The following CFAP54 variants were observed in gnomAD, a reference collection of about 807,000 sequenced individuals.
CFAP54 encodes cilia and flagella associated protein 54, also known as cilia- and flagella-associated protein 54.
Under a neutral mutation model 370.4 loss-of-function variants are expected in CFAP54, and 290 were observed. That is an observed-to-expected ratio of 0.78 (90% CI 0.71 to 0.86). The LOEUF (loss-of-function observed/expected upper bound fraction) is 0.86, where lower values mean the gene tolerates loss of function less well. Ranked by LOEUF, CFAP54 falls within the 40% of genes least tolerant of loss-of-function variation. The pLI is 0.00. For missense variants in CFAP54, 3,399 were observed against 3,528.7 expected (o/e 0.96, Z 0.93); for synonymous variants, 1,206 against 1,236.5 (o/e 0.98, Z 0.52).
At position 96,874,784 on chromosome 12, in the gene CFAP54, T is replaced by C. The variant is rs1014529865; in HGVS notation, c.*15-334T>C. 1.3e-4 allele frequency among the ~76,000 whole-genome samples: 19 copies of C among 151,688 alleles called. No homozygotes were observed. The South Asian group carries it at 2.3e-3, about 18-fold the overall frequency. On this transcript the variant is annotated intron_variant, in intron 67 of 67. Coordinates refer to ENST00000524981, the MANE Select transcript of CFAP54 (RefSeq NM_001306084.2). ...AGCTGGGACTACAGGCGCCCGCCACTACGCCCGGCTAACTTTTTGTATTTT... is the reference window on the plus strand; with the variant it reads ...AGCTGGGACTACAGGCGCCCGCCACCACGCCCGGCTAACTTTTTGTATTTT...
At chr12:96,697,038 C>T (rs947237598) in intron 45 of CFAP54, among the ~76,000 whole-genome samples, 7 of 152,212 alleles carry the variant, frequency 4.6e-5, no homozygotes, top group Admixed American at 1.3e-4. Flanking sequence ...CACTTTAGAA[C>T]TGCCAACATC....
At chr12:96,858,814 C>T (rs141393511) in intron 66 of CFAP54, among the ~76,000 whole-genome samples, 1 of 152,158 alleles carries the variant, frequency 6.6e-6, no homozygotes, top group South Asian at 2.1e-4. Context: ...AATGGCCATA[C>T]TGTCCAGAGC....
rs1451928153 is a variant in CFAP54, at chr12:96,759,443, AT to A, written c.8040+1857del. ...GAATCTGAATGAAAACAGTAGTGTA[AT>A]TCCTTACAATATGATCATTATTTTC... On this transcript the variant is annotated intron_variant, in intron 58 of 67. Coordinates refer to ENST00000524981, the MANE Select transcript of CFAP54 (RefSeq NM_001306084.2). Among the ~76,000 whole-genome samples, 6 of 152,204 alleles carry A rather than the reference AT, an allele frequency of 3.9e-5. No homozygotes were observed. The South Asian group carries it at 1.0e-3, about 26-fold the overall frequency.
rs1958614447 is a variant in CFAP54, at chr12:96,784,907, G to A, written c.8455+17G>A. ...AACTGCTAGGTAGGTTTTTTGATGTGTTAAGAGAGAACATATTTCTTTCTA... is the reference window on the plus strand; with the variant it reads ...AACTGCTAGGTAGGTTTTTTGATGTATTAAGAGAGAACATATTTCTTTCTA... On this transcript the variant is annotated intron_variant, in intron 61 of 67. Transcript: ENST00000524981. 9 of 1,448,576 alleles carry A rather than the reference G, an allele frequency of 6.2e-6. No homozygotes were observed. Among genetic ancestry groups the A allele is most frequent in the South Asian group, 5.5e-5 (4 of 72,448 alleles). 89.7% of individuals were successfully genotyped at this position (1,448,576 alleles called of 1,614,324 possible).
chr12:96,804,369 A>G (rs1387665183), intron 63 of CFAP54, among the ~76,000 whole-genome samples: 1 of 152,184 alleles, frequency 6.6e-6, no homozygotes, highest in African/African-American at 2.4e-5. Context: ...GCTGATCTTA[A>G]AACTAAAAAA....
chr12:96,631,271 A>T (rs899913653), intron 32 of CFAP54, among the ~76,000 whole-genome samples: 1 of 151,898 alleles, frequency 6.6e-6, no homozygotes, highest in African/African-American at 2.4e-5. Context: ...TATAACAACT[A>T]TGCAACTTAA....
Position 96,538,392 on chromosome 12 carries a change from A to C in CFAP54, c.1800A>C (p.Gln600His). ...VCVCTAPQDVQPDKEIVVDTI... is the reference protein window; with the variant it reads ...VCVCTAPQDVHPDKEIVVDTI... ...CTCACTTTTGTTTTTAGGATGTTCA[A>C]CCTGATAAAGAAATTGTTGTGGACA... The change falls in exon 13 of 68, where the codon CAA (glutamine) becomes CAC (histidine). Residue 600 changes from glutamine (Q) to histidine (H), a missense_variant. This residue lies in a region of CFAP54 where 2,796 missense variants were observed against 2,869.7 expected (regional missense o/e 0.97). Transcript: ENST00000524981. 6.5e-7 allele frequency: 1 copy of C among 1,534,772 alleles called. No homozygotes were observed. The highest frequency in any genetic ancestry group is 8.7e-7 in the Non-Finnish European group (1 of 1,146,268).
At chr12:96,808,303 T>C (rs1023148972) in intron 63 of CFAP54, among the ~76,000 whole-genome samples, 1 of 152,124 alleles carries the variant, frequency 6.6e-6, no homozygotes, top group Non-Finnish European at 1.5e-5. Context: ...CTATTGCAAA[T>C]TCCTTCCCCT....
chr12:96,785,170 A>T lies in CFAP54; in HGVS notation c.8455+280A>T, dbSNP rs530373319. Among the ~76,000 whole-genome samples the T allele has an allele frequency of 2.8e-4, 42 of 152,354 alleles. No homozygotes were observed. In the South Asian group the frequency reaches 3.1e-3, roughly 11 times the overall value. On this transcript the variant is annotated intron_variant, in intron 61 of 67. Transcript: ENST00000524981. Reference sequence around the variant, plus strand: ...AGAGGCTTTCCAAGACCACTGCCAAAGTTAAGAACTAGTGATTCCAATGTG... The same window carrying T: ...AGAGGCTTTCCAAGACCACTGCCAATGTTAAGAACTAGTGATTCCAATGTG...
chr12:96,501,376 AAACTCTTTC>A (rs1955024985), intron 2 of CFAP54, among the ~76,000 whole-genome samples: 1 of 152,202 alleles, frequency 6.6e-6, no homozygotes, highest in Non-Finnish European at 1.5e-5. Flanking sequence ...CCTGTTTATT[AAACTCTTTC>A]AACTCTTTCT....
Position 96,638,663 on chromosome 12 carries a change from G to A in CFAP54, c.4317-5515G>A, listed in dbSNP as rs546146943. 5.3e-5 allele frequency among the ~76,000 whole-genome samples: 8 copies of A among 151,996 alleles called. No homozygotes were observed. In the East Asian group the frequency reaches 1.5e-3, roughly 29 times the overall value. On this transcript the variant is annotated intron_variant, in intron 32 of 67. Coordinates refer to ENST00000524981, the MANE Select transcript of CFAP54 (RefSeq NM_001306084.2). ...ATATCATTGCTTTGATTAATTTCTA[G>A]GTATGTTTTTGAAGCTACCGGAAAT...
Position 96,500,919 on chromosome 12 carries a change from GAT to G in CFAP54, c.405_406del (p.Asp135GlufsTer28). 3 of 1,534,942 alleles carry G rather than the reference GAT, an allele frequency of 2.0e-6. No individual in the cohort carries two copies. The highest frequency in any genetic ancestry group is 2.6e-6 in the Non-Finnish European group (3 of 1,146,024). On this transcript the variant is annotated frameshift_variant, in exon 2 of 68. Transcript: ENST00000524981. LOFTEE classifies it high-confidence loss of function. ...CAACGAAAAGCTTCTGAAGGTTGGA[GAT>G]AGCCTTTGTCAAATGAAAGTAAGTG... ...YYNEKLLKVG[D>X]SLCQMKEYKL...
intron 60 of CFAP54, among the ~76,000 whole-genome samples, chr12:96,765,660 C>A (rs61693886): frequency 0.025 from 3,799 of 152,274 alleles, 147 homozygotes; most frequent in African/African-American, 0.083. Flanking sequence ...TTATCATCAG[C>A]TACCTGAGAG....
chr12:96,701,324 T>G (rs1384648098), intron 46 of CFAP54, among the ~76,000 whole-genome samples: 1 of 152,134 alleles, frequency 6.6e-6, no homozygotes, highest in Non-Finnish European at 1.5e-5. Flanking sequence ...AGCAATATTT[T>G]CTTGCTTGCT....
intron 60 of CFAP54, among the ~76,000 whole-genome samples, chr12:96,767,563 C>T (rs1958413301): frequency 6.6e-6 from 1 of 152,114 alleles, no homozygotes; most frequent in Admixed American, 6.6e-5. Flanking sequence ...TTTGCCTTGC[C>T]TTAAGAATAA....
intron 11 of CFAP54, among the ~76,000 whole-genome samples, chr12:96,534,845 A>G (rs552124905): frequency 1.3e-5 from 2 of 152,270 alleles, no homozygotes; most frequent in African/African-American, 4.8e-5. Flanking sequence ...TTCTGAATCA[A>G]TATTTTTATT....
Position 96,649,091 on chromosome 12 carries a change from T to G in CFAP54, c.4691-800T>G, listed in dbSNP as rs1014486173. ...AGACTTTTAGTAATGACATTTTAAGTGCTATGGGATTTATTGCCAACCAGA... is the reference window on the plus strand; with the variant it reads ...AGACTTTTAGTAATGACATTTTAAGGGCTATGGGATTTATTGCCAACCAGA... On this transcript the variant is annotated intron_variant, in intron 34 of 67. Coordinates refer to ENST00000524981, the MANE Select transcript of CFAP54 (RefSeq NM_001306084.2). Among the ~76,000 whole-genome samples the G allele has an allele frequency of 2.0e-5, 3 of 152,312 alleles. No individual in the cohort carries two copies. The East Asian group carries it at 5.8e-4, about 29-fold the overall frequency.
At chr12:96,772,016 T>G (rs1402245683) in intron 60 of CFAP54, among the ~76,000 whole-genome samples, 1 of 152,200 alleles carries the variant, frequency 6.6e-6, no homozygotes, top group East Asian at 1.9e-4. Flanking sequence ...CTGTTCTTAG[T>G]TTTTCTCTGC....
At chr12:96,832,271 T>TAA (rs34082481) in intron 66 of CFAP54, among the ~76,000 whole-genome samples, 7 of 122,812 alleles carry the variant, frequency 5.7e-5, no homozygotes, top group East Asian at 4.7e-4. Context: ...TTTTCTTTTG[T>TAA]AAAAAAAAAA....
Sources: gnomAD v4.1 joint callset for allele counts (sites outside exome capture counted in the v4.1 genomes callset) on GRCh38, gnomAD v4.1.1 for gene constraint, gnomAD v4.1.1 regional missense constraint, MANE v1.5 for transcripts, NCBI Gene and HGNC (gene_info 2026-07-23, HGNC 2026-07-21) for gene names.